Variants in KCTD14 observed in about 807,000 individuals in gnomAD.
KCTD14 encodes the protein potassium channel tetramerization domain containing 14.
In KCTD14, 7 loss-of-function variants were observed where a neutral mutation model predicts 5.9. The ratio of observed to expected loss-of-function variants is 1.19; its 90% CI spans 0.68 to 2.23. The LOEUF (loss-of-function observed/expected upper bound fraction) is 2.23, where lower values mean the gene tolerates loss of function less well. Among genes scored for constraint, KCTD14 ranks in the 30% most tolerant of loss-of-function variants. The probability of loss-of-function intolerance (pLI) is 0.00; values close to 1 mark genes in which losing one functional copy is unlikely to be tolerated. For missense variants in KCTD14, 342 were observed against 332.2 expected (o/e 1.03, Z -0.23); for synonymous variants, 140 against 133.1 (o/e 1.05, Z -0.36).
intron 2 of KCTD14, among the ~76,000 whole-genome samples, chr11:78,037,909 G>A (rs577077560): frequency 8.6e-5 from 13 of 151,308 alleles, no homozygotes; most frequent in Non-Finnish European, 1.5e-4. Context: ...CTAGGTGCTG[G>A]TTCCACAAGT....
chr11:78,034,465 C>G (rs1857729858), intron 2 of KCTD14, among the ~76,000 whole-genome samples: 2 of 152,046 alleles, frequency 1.3e-5, no homozygotes, highest in Non-Finnish European at 2.9e-5. Context: ...CTTTCTCTCT[C>G]TCTCTCTCTC....
chr11:78,024,967 A>G (rs1184553325), upstream of KCTD14, among the ~76,000 whole-genome samples: 8 of 149,672 alleles, frequency 5.3e-5, no homozygotes, highest in Admixed American at 5.4e-4. Context: ...ATAATAAAAT[A>G]AAACTAATGG....
rs367766490 is a variant in KCTD14 at position 78,017,451 on chromosome 11, C to CT, written c.91-182dup. Among the ~76,000 whole-genome samples, 220 of 135,788 alleles carry CT rather than the reference C, an allele frequency of 1.6e-3. 1 individual carries two copies. The highest frequency in any genetic ancestry group is 0.012 in the Middle Eastern group (3 of 258). The allele number at this position is 135,788 out of a possible 152,430, so 89.1% of individuals were successfully genotyped here. On this transcript the variant is annotated intron_variant, in intron 1 of 1. Transcript: ENST00000353172. ...ATGCTGTGTTGCTCCAGGGGGTGGG[C>CT]TTTTTTTTTTTTTTTCGACGGAGTC... is the stretch of plus-strand genomic sequence containing the variant.
chr11:78,035,695 A>G (rs1388500070), intron 2 of KCTD14, among the ~76,000 whole-genome samples: 1 of 151,788 alleles, frequency 6.6e-6, no homozygotes, highest in South Asian at 2.1e-4. Context: ...AATACAAAAA[A>G]TTAGCTGGCC....
chr11:78,042,109 T>A (rs1858011545), intron 1 of KCTD14, among the ~76,000 whole-genome samples: 1 of 152,254 alleles, frequency 6.6e-6, no homozygotes, highest in Admixed American at 6.5e-5. Context: ...GTGAGAGGAA[T>A]CTGACATGGC....
intron 2 of KCTD14, among the ~76,000 whole-genome samples, chr11:78,033,459 A>G (rs1857686224): frequency 6.6e-6 from 1 of 152,132 alleles, no homozygotes; most frequent in South Asian, 2.1e-4. Flanking sequence ...AGGAGGGCAG[A>G]TCACTTCAGG....
chr11:78,032,378 C>T (rs1857649110), intron 2 of KCTD14, among the ~76,000 whole-genome samples: 1 of 152,172 alleles, frequency 6.6e-6, no homozygotes, highest in African/African-American at 2.4e-5. Flanking sequence ...ATGCCTCTTG[C>T]AAGGCACAGG....
In KCTD14 at chr11:78,016,760, A is replaced by G. The variant is rs775714372; in HGVS notation, c.601T>C (p.Phe201Leu). 2 of 1,614,154 alleles carry G rather than the reference A, an allele frequency of 1.2e-6. No individual in the cohort carries two copies. The highest frequency in any genetic ancestry group is 3.3e-5 in the Admixed American group (2 of 60,016). ...DKKMFKSVVKFGPWKAVLDNS... is the reference protein window; with the variant it reads ...DKKMFKSVVKLGPWKAVLDNS... ...TCTAGGACCGCCTTCCAGGGCCCAA[A>G]CTTGACAACAGACTTGAACATCTTC... Residue 201 changes from phenylalanine (F) to leucine (L), a missense_variant, in exon 2 of 2, where the codon TTT (phenylalanine) becomes CTT (leucine). Transcript: ENST00000353172.
rs1565308311 is a variant in KCTD14, at chr11:78,017,257, A to C, written c.104T>G (p.Val35Gly). 6.3e-7 allele frequency: 1 copy of C among 1,593,398 alleles called. No individual in the cohort carries two copies. The highest frequency in any genetic ancestry group is 1.7e-5 in the Admixed American group (1 of 59,028). Residue 35 changes from valine (V) to glycine (G), a missense_variant, in exon 2 of 2, where the codon GTG becomes GGG. Physicochemically the swap from Val to Gly is moderately radical, Grantham distance 109. Transcript: ENST00000353172. ...RPRRPTMSTVVELNVGGEFHT... is the reference protein window; with the variant it reads ...RPRRPTMSTVGELNVGGEFHT... ...GAACTCACCCCCGACGTTCAGCTCC[A>C]CAACAGTAGACATCTGGGGGCACAA...
intron 2 of KCTD14, among the ~76,000 whole-genome samples, chr11:78,033,681 CA>C (rs34822968): frequency 0.75 from 95,442 of 127,800 alleles, 35,078 homozygotes; most frequent in Admixed American, 0.78. Context: ...GACTCCTTCT[CA>C]AAAAAAAAAA....
chr11:78,029,354 C>G (rs1857554999), intron 2 of KCTD14, among the ~76,000 whole-genome samples: 1 of 152,038 alleles, frequency 6.6e-6, no homozygotes, highest in Non-Finnish European at 1.5e-5. Flanking sequence ...TCTTATTTCA[C>G]CAAAGGAAGA....
At chr11:78,026,161 G>C (rs568606126), upstream of KCTD14, among the ~76,000 whole-genome samples, 2 of 152,278 alleles carry the variant, frequency 1.3e-5, no homozygotes, top group Non-Finnish European at 2.9e-5. Flanking sequence ...CTAGGGCCAC[G>C]CATGGTGACT....
At chr11:78,033,794 C>T (rs1050130559) in intron 2 of KCTD14, among the ~76,000 whole-genome samples, 35 of 147,838 alleles carry the variant, frequency 2.4e-4, no homozygotes, top group African/African-American at 5.8e-4. Flanking sequence ...TGCAATGAGC[C>T]GAGATCACAC....
At chr11:78,034,750 A>C (rs559246784) in intron 2 of KCTD14, among the ~76,000 whole-genome samples, 1 of 151,992 alleles carries the variant, frequency 6.6e-6, no homozygotes, top group South Asian at 2.1e-4. Context: ...CAAGCAGGGG[A>C]CCCTGCTCAC....
At chr11:78,020,873 G>A (rs865794148) in intron 1 of KCTD14, among the ~76,000 whole-genome samples, 3 of 152,106 alleles carry the variant, frequency 2.0e-5, no homozygotes, top group Admixed American at 6.5e-5. Flanking sequence ...TTTGCTTTCC[G>A]TCTCTGGAAC....
upstream of KCTD14, among the ~76,000 whole-genome samples, chr11:78,024,007 G>A (rs765619921): frequency 2.6e-5 from 4 of 152,096 alleles, no homozygotes; most frequent in East Asian, 1.9e-4. Flanking sequence ...TTCTTGAATC[G>A]GGGAACACCA....
upstream of KCTD14, chr11:78,023,570 A>G (rs1857365787): frequency 6.9e-6 from 2 of 288,420 alleles, no homozygotes; most frequent in South Asian, 8.4e-5. Context: ...GCTGAAGTGC[A>G]GTGGCGGATC....
intron 2 of KCTD14, among the ~76,000 whole-genome samples, chr11:78,033,916 C>T (rs4323901): frequency 0.78 from 103,077 of 132,568 alleles, 40,517 homozygotes; most frequent in Admixed American, 0.8. Context: ...TATATATATA[C>T]ACACATTATA....
chr11:78,019,941 C>T (rs1857268383), intron 1 of KCTD14, among the ~76,000 whole-genome samples: 1 of 152,202 alleles, frequency 6.6e-6, no homozygotes, highest in Non-Finnish European at 1.5e-5. Context: ...TCTTCCAATA[C>T]CTTCACTCTT....
Sources: allele counts gnomAD v4.1 joint callset (sites outside exome capture counted in the v4.1 genomes callset), GRCh38; gene constraint gnomAD v4.1.1; transcripts MANE v1.5; gene names NCBI Gene and HGNC (gene_info 2026-07-23, HGNC 2026-07-21).